Variants in KATNIP observed in about 807,000 individuals in gnomAD.
KATNIP encodes the protein katanin interacting protein.
KATNIP carries 126 observed loss-of-function variants against 174.0 expected under a neutral mutation model. That is an observed-to-expected ratio of 0.72 (90% confidence interval 0.63 to 0.84). KATNIP has a LOEUF of 0.84. KATNIP is among the 40% of genes least tolerant of loss of function. The pLI is 0.00. For synonymous variants in KATNIP, 810 were observed against 835.7 expected (o/e 0.97, Z 0.53); for missense variants, 1,958 against 2,109.7 (o/e 0.93, Z 1.41).
chr16:27,766,197 G>T (rs2082116662), intron 19 of KATNIP, 112 bp from the exon 20 acceptor site: 2 of 1,126,880 alleles, frequency 1.8e-6, no homozygotes, highest in Non-Finnish European at 1.3e-6. Context: ...ACACAGCCAG[G>T]CTAGTGCCAG....
intron 6 of KATNIP, among the ~76,000 whole-genome samples, chr16:27,673,516 G>A (rs749081935): frequency 3.3e-5 from 5 of 152,240 alleles, no homozygotes; most frequent in African/African-American, 9.6e-5. Flanking sequence ...TAAAACACCA[G>A]TGGTGAACCC....
intron 2 of KATNIP, among the ~76,000 whole-genome samples, chr16:27,599,168 A>T (rs764185333): frequency 6.6e-6 from 1 of 152,166 alleles, no homozygotes; most frequent in Non-Finnish European, 1.5e-5. Context: ...TGCTTCAGGA[A>T]CACAGCTGAG....
At chr16:27,751,966 G>A (rs763967738) in intron 17 of KATNIP, 42 bp downstream of exon 17, 8 of 1,520,654 alleles carry the variant, frequency 5.3e-6, no homozygotes, top group Middle Eastern at 2.4e-4. Flanking sequence ...CCCCCAGATA[G>A]GTTTCTTCCC....
intron 8 of KATNIP, among the ~76,000 whole-genome samples, 173 bp downstream of exon 8, chr16:27,681,703 G>C (rs1298397468): frequency 6.6e-6 from 1 of 152,234 alleles, no homozygotes; most frequent in African/African-American, 2.4e-5. Context: ...GGATATGGAG[G>C]GAGAGTGAGA....
chr16:27,733,306 T>A (rs2080765132), intron 14 of KATNIP, among the ~76,000 whole-genome samples: 1 of 152,158 alleles, frequency 6.6e-6, no homozygotes, highest in Non-Finnish European at 1.5e-5. Flanking sequence ...ATCACTTAGA[T>A]TGAAATAATA....
At chr16:27,765,012 T>G (rs1006068378) in intron 19 of KATNIP, among the ~76,000 whole-genome samples, 1 of 152,122 alleles carries the variant, frequency 6.6e-6, no homozygotes, top group Non-Finnish European at 1.5e-5. Context: ...AACTTTAAAA[T>G]GTAAAAGGAA....
intron 12 of KATNIP, among the ~76,000 whole-genome samples, chr16:27,705,481 G>C (rs953178576): frequency 1.3e-5 from 2 of 152,016 alleles, no homozygotes; most frequent in Non-Finnish European, 2.9e-5. Flanking sequence ...CTCTTAAGCT[G>C]TCTGGTCCTG....
intron 8 of KATNIP, among the ~76,000 whole-genome samples, chr16:27,692,866 ACAGCATAGTGCAGGTCGT>A: frequency 6.6e-6 from 1 of 152,314 alleles, no homozygotes; most frequent in East Asian, 1.9e-4. Flanking sequence ...AAAGAAGCTC[ACAGCATAGTGCAGGTCGT>A]AAGCCTGGTA....
intron 5 of KATNIP, among the ~76,000 whole-genome samples, chr16:27,638,927 C>G (rs777814829): frequency 6.7e-6 from 1 of 149,470 alleles, no homozygotes; most frequent in African/African-American, 2.5e-5. Context: ...CCCACCTTGG[C>G]CTCCTAAAGT....
chr16:27,686,911 T>C (rs2078545608), intron 8 of KATNIP, among the ~76,000 whole-genome samples: 1 of 152,260 alleles, frequency 6.6e-6, no homozygotes. Context: ...TTGTATGCAT[T>C]TTAATTCTCT....
Position 27,740,373 on chromosome 16 carries a change from G to A in KATNIP, c.2076G>A (p.Leu692=). Residue 692 remains leucine (L), a synonymous_variant, in exon 15 of 28, where the codon TTG becomes TTA. Transcript: ENST00000261588. The part of the protein sequence containing the change: ...KNSTNCRKDS[L]SQLEEYLRLS... ...CTACTAATTGCAGGAAAGACAGTTTGTCCCAGTTAGAGGAATATTTGAGAC... is the reference window on the plus strand; with the variant it reads ...CTACTAATTGCAGGAAAGACAGTTTATCCCAGTTAGAGGAATATTTGAGAC... 1.2e-6 allele frequency: 2 copies of A among 1,614,238 alleles called. No individual in the cohort carries two copies. Among genetic ancestry groups the A allele is most frequent in the South Asian group, 1.1e-5 (1 of 91,084 alleles).
chr16:27,599,728 A>G (rs974131969), intron 2 of KATNIP, among the ~76,000 whole-genome samples: 2 of 151,604 alleles, frequency 1.3e-5, no homozygotes, highest in Admixed American at 1.3e-4. Flanking sequence ...TCTTACTCCA[A>G]CTTCCGCTGT....
At chr16:27,645,277 C>G (rs1247730999) in intron 5 of KATNIP, among the ~76,000 whole-genome samples, 1 of 152,216 alleles carries the variant, frequency 6.6e-6, no homozygotes, top group Non-Finnish European at 1.5e-5. Context: ...TGCGTCACTG[C>G]GTGTCATCTT....
intron 1 of KATNIP, among the ~76,000 whole-genome samples, chr16:27,554,936 G>A (rs980711042): frequency 6.6e-6 from 1 of 151,802 alleles, no homozygotes; most frequent in African/African-American, 2.4e-5. Context: ...TGGGATTACA[G>A]GTGCACGCCA....
rs199699389 is a variant in KATNIP at position 27,750,118 on chromosome 16, C to T, written c.3158C>T (p.Thr1053Met). 111 of 1,614,146 alleles carry T rather than the reference C, an allele frequency of 6.9e-5. No individual in the cohort carries two copies. The East Asian group carries it at 2.3e-3, about 33-fold the overall frequency. ...ATGCATGTCTGGCTGGCCCCCTTCA[C>T]GCGGGGCAGATCCCACTCCATCACC... ...DDMHVWLAPFTRGRSHSITID... is the reference protein window; with the variant it reads ...DDMHVWLAPFMRGRSHSITID... Residue 1053 changes from threonine (T) to methionine (M), a missense_variant, in exon 16 of 28, where the codon ACG becomes ATG. This residue lies in a region of KATNIP where 1,557 missense variants were observed against 1,617.8 expected (regional missense o/e 0.96). Transcript: ENST00000261588.
At chr16:27,731,936 A>G (rs925356352) in intron 14 of KATNIP, among the ~76,000 whole-genome samples, 1 of 152,076 alleles carries the variant, frequency 6.6e-6, no homozygotes. Flanking sequence ...CTGCCTTTCT[A>G]TAGAGCGACC....
chr16:27,663,473 T>C (rs9972841), intron 6 of KATNIP, among the ~76,000 whole-genome samples: 31,734 of 151,580 alleles, frequency 0.21, 3,924 homozygotes, highest in African/African-American at 0.36. Flanking sequence ...GACAGAGTAT[T>C]GCTCTGTCGC....
At chr16:27,696,832 G>A (rs189789847) in intron 8 of KATNIP, among the ~76,000 whole-genome samples, 168 of 151,424 alleles carry the variant, frequency 1.1e-3, no homozygotes, top group African/African-American at 3.7e-3. Flanking sequence ...GGGTTCAAAC[G>A]ATTCTCCTGC....
At chr16:27,572,708 G>A (rs2090353572) in intron 1 of KATNIP, among the ~76,000 whole-genome samples, 1 of 152,152 alleles carries the variant, frequency 6.6e-6, no homozygotes, top group African/African-American at 2.4e-5. Flanking sequence ...GTGGACAGAG[G>A]GGAGAGGAAG....
Sources: gnomAD v4.1 joint callset for allele counts (sites outside exome capture counted in the v4.1 genomes callset) on GRCh38, gnomAD v4.1.1 for gene constraint, gnomAD v4.1.1 regional missense constraint, MANE v1.5 for transcripts, NCBI Gene and HGNC (gene_info 2026-07-23, HGNC 2026-07-21) for gene names.